The following MYH13 variants were observed in gnomAD, a reference collection of about 807,000 sequenced individuals.
The protein encoded by MYH13 is myosin heavy chain 13.
A neutral mutation model predicts 232.1 loss-of-function variants in MYH13; 177 were observed. The ratio of observed to expected loss-of-function variants is 0.76; its 90% CI spans 0.67 to 0.86. The LOEUF (loss-of-function observed/expected upper bound fraction) is 0.86. Ranked by LOEUF, MYH13 falls within the 40% of genes least tolerant of loss-of-function variation. The probability of loss-of-function intolerance (pLI) is 0.00; values close to 1 mark genes in which losing one functional copy is unlikely to be tolerated. For synonymous variants in MYH13, 884 were observed against 923.5 expected (o/e 0.96, Z 0.78); for missense variants, 2,246 against 2,405.9 (o/e 0.93, Z 1.39).
intron 13 of MYH13, among the ~76,000 whole-genome samples, chr17:10,346,421 A>G (rs985791126): frequency 2.6e-5 from 4 of 152,234 alleles, no homozygotes; most frequent in African/African-American, 9.6e-5. Flanking sequence ...TCAACAGCCC[A>G]TGAATCCCAG....
In MYH13 at chr17:10,309,614, C is replaced by T. The variant is rs960291930; in HGVS notation, c.4873G>A (p.Asp1625Asn). The T allele has an allele frequency of 6.2e-7, 1 of 1,613,370 alleles. No individual in the cohort carries two copies. The highest frequency in any genetic ancestry group is 1.3e-5 in the African/African-American group (1 of 75,054). ...ALRLKKKMEG[D>N]LNEMEIQLGH... is the part of the protein sequence containing the mutation. ...AGCTGAATCTCCATCTCATTAAGGT[C>T]TCCCTCCATCTTCTTCTTTAGCCTC... The change falls in exon 34 of 41, where the codon GAC becomes AAC. Residue 1625 changes from aspartate to asparagine, a missense_variant. By Grantham distance (23) the Asp-to-Asn change is conservative. Transcript: ENST00000252172.
intron 33 of MYH13, 39 bp from the exon 34 acceptor site, chr17:10,309,869 A>G: frequency 6.7e-7 from 1 of 1,487,392 alleles, no homozygotes. Flanking sequence ...TGCCGTGGAC[A>G]TCCACCTTCA....
chr17:10,325,579 T>C (rs551657019), intron 22 of MYH13, among the ~76,000 whole-genome samples: 27 of 152,378 alleles, frequency 1.8e-4, no homozygotes, highest in Non-Finnish European at 3.4e-4. Flanking sequence ...TGAATACATA[T>C]GTCCCAGAAG....
rs550576967 is a variant in MYH13 at position 10,307,021 on chromosome 17, A to G, written c.5213T>C (p.Ile1738Thr). 6.2e-7 allele frequency: 1 copy of G among 1,613,970 alleles called. No individual in the cohort carries two copies. The highest frequency in any genetic ancestry group is 1.7e-5 in the Admixed American group (1 of 60,012). ...INTKKKLEADIAQCQAEVENS... is the reference protein window; with the variant it reads ...INTKKKLEADTAQCQAEVENS... ...CTCCACCTCTGCCTGGCACTGAGCT[A>G]TGTCAGCCTCCAGTTTTTTCTTGGT... is the stretch of plus-strand genomic sequence containing the variant. The change falls in exon 36 of 41, where the codon ATA becomes ACA. Residue 1738 changes from isoleucine (I) to threonine (T), a missense_variant. Coordinates refer to ENST00000252172, the MANE Select transcript of MYH13 (RefSeq NM_003802.3).
At chr17:10,362,307 T>C (rs1391959789) in intron 4 of MYH13, 33 bp from the exon 5 acceptor site, 2 of 1,613,918 alleles carry the variant, frequency 1.2e-6, no homozygotes, top group Non-Finnish European at 8.5e-7. Context: ...CATTTGGATC[T>C]CGTTTTTACT....
rs140108968 is a variant in MYH13, at chr17:10,304,003, C to T, written c.5467-505G>A. On this transcript the variant is annotated intron_variant, in intron 37 of 40. Transcript: ENST00000252172. The surrounding 1 kb of genome is among the most constrained non-coding windows in gnomAD (Gnocchi z 5.3). ...GGATGAAGCTGGAAACCATCATTCTCAGCAAACTAAGGAACAGAAAACCAA... is the reference window on the plus strand; with the variant it reads ...GGATGAAGCTGGAAACCATCATTCTTAGCAAACTAAGGAACAGAAAACCAA... Among the ~76,000 whole-genome samples, 219 of 152,226 alleles carry T rather than the reference C, an allele frequency of 1.4e-3. 2 individuals carry two copies. Among genetic ancestry groups the T allele is most frequent in the African/African-American group, 5.1e-3 (212 of 41,536 alleles).
intron 40 of MYH13, 31 bp from the exon 41 acceptor site, chr17:10,300,996 A>G (rs1906068979): frequency 6.2e-7 from 1 of 1,606,446 alleles, no homozygotes; most frequent in Non-Finnish European, 8.5e-7. Context: ...TGTACATAGG[A>G]AATGAGTCAA....
chr17:10,324,037 A>T lies in MYH13; in HGVS notation c.2919T>A (p.His973Gln), dbSNP rs1907103940. ...LTLTKVEKEK[H>Q]ATENKVKNLS... is the part of the protein sequence containing the mutation. ...GTTTGCTCACCTTGTTCTCTGTGGC[A>T]TGCTTCTCCTTTTCAACTTTCGTCA... is the stretch of plus-strand genomic sequence containing the variant. The change falls in exon 23 of 41, where the codon CAT (histidine) becomes CAA (glutamine). Residue 973 changes from histidine to glutamine, a missense_variant. Physicochemically the swap from His to Gln is conservative, Grantham distance 24. Coordinates refer to ENST00000252172, the MANE Select transcript of MYH13 (RefSeq NM_003802.3). 6.2e-7 allele frequency: 1 copy of T among 1,613,842 alleles called. No individual in the cohort carries two copies. Among genetic ancestry groups the T allele is most frequent in the Non-Finnish European group, 8.5e-7 (1 of 1,179,964 alleles).
At chr17:10,359,204 C>T (rs1039811224) in intron 7 of MYH13, among the ~76,000 whole-genome samples, 12 of 152,172 alleles carry the variant, frequency 7.9e-5, no homozygotes, top group African/African-American at 1.9e-4. Flanking sequence ...GGGAACCAAC[C>T]GCGTGATTAG....
chr17:10,303,673 G>T (rs1906183318), intron 37 of MYH13, among the ~76,000 whole-genome samples, 175 bp from the exon 38 acceptor site: 1 of 152,196 alleles, frequency 6.6e-6, no homozygotes, highest in African/African-American at 2.4e-5. Context: ...TACACTGTTG[G>T]TGGGAGTGTA....
intron 2 of MYH13, among the ~76,000 whole-genome samples, chr17:10,366,861 A>G (rs980148958): frequency 1.3e-5 from 2 of 152,240 alleles, no homozygotes; most frequent in Admixed American, 1.3e-4. Context: ...TTACAGAAAG[A>G]AAAGCATCCA....
At chr17:10,325,120 G>T (rs1907158563) in intron 22 of MYH13, among the ~76,000 whole-genome samples, 1 of 152,006 alleles carries the variant, frequency 6.6e-6, no homozygotes, top group African/African-American at 2.4e-5. Context: ...ACCATGCCTG[G>T]CCTCACTTAT....
At chr17:10,318,732 G>A in intron 27 of MYH13, 58 bp downstream of exon 27, 1 of 1,601,752 alleles carries the variant, frequency 6.2e-7, no homozygotes, top group Non-Finnish European at 8.5e-7. Context: ...ACGTGCCCAG[G>A]GGCAGGTGGC....
At chr17:10,356,952 C>G (rs2071753806) in intron 8 of MYH13, among the ~76,000 whole-genome samples, 1 of 152,022 alleles carries the variant, frequency 6.6e-6, no homozygotes, top group Admixed American at 6.6e-5. Context: ...CAGTATGAAT[C>G]TATTCCAATA....
At position 10,345,583 on chromosome 17, in the gene MYH13, C is replaced by T. The variant is rs563762362; in HGVS notation, c.1297G>A (p.Val433Ile). Residue 433 changes from valine to isoleucine, a missense_variant, in exon 14 of 41, where the codon GTC (valine) becomes ATC (isoleucine). By Grantham distance (29) the Val-to-Ile change is conservative (BLOSUM62 3). Coordinates refer to ENST00000252172, the MANE Select transcript of MYH13 (RefSeq NM_003802.3). The part of the protein sequence containing the change: ...TNSVGALAKA[V>I]YEKMFLWMVT... ...ATCCACAGGAACATCTTCTCGTAGA[C>T]GGCTTTGGCCAGAGCACCCACCGAA... The T allele has an allele frequency of 9.2e-5, 148 of 1,614,134 alleles. 1 individual carries two copies. In the South Asian group the frequency reaches 1.1e-3, roughly 11 times the overall value.
At chr17:10,324,826 T>C (rs959664548) in intron 22 of MYH13, 1 of 149,912 alleles carries the variant, frequency 6.7e-6, no homozygotes, top group Admixed American at 6.8e-5. Flanking sequence ...TAATAATTTG[T>C]TCATTTATTT....
Position 10,364,412 on chromosome 17 carries a change from A to T in MYH13, c.119T>A (p.Val40Glu), listed in dbSNP as rs1337701829. Residue 40 changes from valine to glutamate, a missense_variant, in exon 3 of 41, where the codon GTA becomes GAA. Val to Glu is a moderately radical substitution (Grantham distance 121). Transcript: ENST00000252172. ...RPFDSKKACF[V>E]ADNKEMYVKG... ...CACATACATTTCCTTATTATCCGCTACAAAGCAGGCTTTCTTGGAATCGAA... is the reference window on the plus strand; with the variant it reads ...CACATACATTTCCTTATTATCCGCTTCAAAGCAGGCTTTCTTGGAATCGAA... 1.2e-6 allele frequency: 2 copies of T among 1,613,834 alleles called. No homozygotes were observed. Among genetic ancestry groups the T allele is most frequent in the Admixed American group, 1.7e-5 (1 of 60,016 alleles).
intron 2 of MYH13, among the ~76,000 whole-genome samples, chr17:10,365,980 C>T (rs570254967): frequency 6.3e-4 from 96 of 151,960 alleles, no homozygotes; most frequent in Middle Eastern, 3.4e-3. Context: ...TCTTGCTCTT[C>T]TCTTTATGTA....
chr17:10,344,351 C>A (rs2071643948), intron 15 of MYH13, among the ~76,000 whole-genome samples: 1 of 152,026 alleles, frequency 6.6e-6, no homozygotes, highest in African/African-American at 2.4e-5. Context: ...TGTGTATAAA[C>A]CTAGCATACT....
Sources: allele counts gnomAD v4.1 joint callset (sites outside exome capture counted in the v4.1 genomes callset), GRCh38; gene constraint gnomAD v4.1.1; non-coding constraint Gnocchi (gnomAD v3.1); transcripts MANE v1.5; gene names NCBI Gene and HGNC (gene_info 2026-07-23, HGNC 2026-07-21).